The following STK38L variants were observed in gnomAD, a reference collection of about 807,000 sequenced individuals.
STK38L encodes the protein serine/threonine kinase 38 like, also known as serine/threonine-protein kinase 38-like.
Under a neutral mutation model 59.7 loss-of-function variants are expected in STK38L, and 28 were observed. The ratio of observed to expected loss-of-function variants is 0.47; its 90% CI spans 0.35 to 0.64. STK38L has a LOEUF of 0.64. Among genes scored for constraint, STK38L ranks in the 30% least tolerant of loss-of-function variants. STK38L has a pLI of 0.01. For synonymous variants in STK38L, 162 were observed against 176.8 expected (o/e 0.92, Z 0.66); for missense variants, 314 against 555.8 (o/e 0.56, Z 4.37).
chr12:27,292,137 G>A (rs1209359012), intron 1 of STK38L, among the ~76,000 whole-genome samples: 1 of 152,186 alleles, frequency 6.6e-6, no homozygotes, highest in African/African-American at 2.4e-5. Context: ...CTTGCAAATT[G>A]TATCCTGTTC....
At chr12:27,295,290 A>G (rs1943989637) in intron 1 of STK38L, among the ~76,000 whole-genome samples, 1 of 152,236 alleles carries the variant, frequency 6.6e-6, no homozygotes, top group African/African-American at 2.4e-5. Context: ...GTATTATCTC[A>G]GATGGCCTTA....
chr12:27,309,473 A>G (rs1944406895), intron 5 of STK38L, among the ~76,000 whole-genome samples: 2 of 152,216 alleles, frequency 1.3e-5, no homozygotes, highest in Non-Finnish European at 2.9e-5. Context: ...CTACAAGTCA[A>G]AAATGAAAGT....
chr12:27,320,885 C>T (rs1452358936), intron 12 of STK38L, among the ~76,000 whole-genome samples: 1 of 151,716 alleles, frequency 6.6e-6, no homozygotes, highest in African/African-American at 2.4e-5. Context: ...GGGTTCACGC[C>T]ATTCTCCTGG....
chr12:27,255,201 C>T (rs1297637799), intron 1 of STK38L, among the ~76,000 whole-genome samples: 1 of 152,176 alleles, frequency 6.6e-6, no homozygotes, highest in Non-Finnish European at 1.5e-5. Flanking sequence ...GGATGAATAG[C>T]TGGGAACATG....
intron 1 of STK38L, among the ~76,000 whole-genome samples, chr12:27,256,402 C>T (rs920080619): frequency 3.9e-5 from 6 of 152,174 alleles, no homozygotes; most frequent in Non-Finnish European, 7.3e-5. Context: ...CTTGTACCTT[C>T]GGTCTCACAC....
chr12:27,316,595 A>G (rs1122737), intron 9 of STK38L, among the ~76,000 whole-genome samples: 49,104 of 152,080 alleles, frequency 0.32, 9,289 homozygotes, highest in African/African-American at 0.53. Flanking sequence ...TGAGATGACA[A>G]AATCTGTGGT....
intron 1 of STK38L, among the ~76,000 whole-genome samples, chr12:27,247,228 G>A (rs1013331935): frequency 7.2e-5 from 11 of 152,058 alleles, no homozygotes; most frequent in Non-Finnish European, 1.2e-4. Context: ...TATTATTCCC[G>A]TTTTGCAGAT....
chr12:27,272,610 G>T (rs76594188), intron 1 of STK38L, among the ~76,000 whole-genome samples: 161 of 152,300 alleles, frequency 1.1e-3, no homozygotes, highest in African/African-American at 3.6e-3. Context: ...AATCTGCTTT[G>T]TGAGACTGGG....
intron 1 of STK38L, among the ~76,000 whole-genome samples, chr12:27,286,392 T>G (rs1046228718): frequency 6.6e-6 from 1 of 152,080 alleles, no homozygotes; most frequent in Admixed American, 6.6e-5. Flanking sequence ...CATCTGTAAT[T>G]TCACACTGTT....
chr12:27,262,445 G>A (rs1943220497), intron 1 of STK38L, among the ~76,000 whole-genome samples: 2 of 152,042 alleles, frequency 1.3e-5, no homozygotes, highest in South Asian at 2.1e-4. Flanking sequence ...ACTTTGCTAG[G>A]TATTAACGTT....
Position 27,325,717 on chromosome 12 carries a change from T to C in STK38L, c.*3262T>C, listed in dbSNP as rs1056572823. 1.3e-5 allele frequency: 2 copies of C among 152,204 alleles called. No homozygotes were observed. The highest frequency in any genetic ancestry group is 2.9e-5 in the Non-Finnish European group (2 of 68,020). 9.4% of individuals were successfully genotyped at this position (152,204 alleles called of 1,614,324 possible). ...ATAAATATGAGACACTTGGGACTACTAGAGATATTTTAGATTTTTATGAAA... is the reference window on the plus strand; with the variant it reads ...ATAAATATGAGACACTTGGGACTACCAGAGATATTTTAGATTTTTATGAAA... On this transcript the variant is annotated 3_prime_UTR_variant, in exon 14 of 14. Transcript: ENST00000389032.
At chr12:27,306,714 AACACACACACACACACAC>A (rs10553623) in intron 3 of STK38L, among the ~76,000 whole-genome samples, 16 of 139,084 alleles carry the variant, frequency 1.2e-4, no homozygotes, top group African/African-American at 3.5e-4. Flanking sequence ...GAATTTTATA[AACACACACACACACACAC>A]ACACACACAC....
chr12:27,297,651 T>C, intron 1 of STK38L, 59 bp from the exon 2 acceptor site: 1 of 1,529,592 alleles, frequency 6.5e-7, no homozygotes, highest in Non-Finnish European at 8.8e-7. Context: ...TCAGAGTTTA[T>C]TATAAAAGAT....
intron 1 of STK38L, chr12:27,245,549 A>C (rs1942831439): frequency 1.3e-5 from 2 of 152,116 alleles, no homozygotes; most frequent in Admixed American, 6.6e-5. Flanking sequence ...TCATATATGT[A>C]TATAAGGTAC....
At chr12:27,288,364 ATATTCTT>A (rs1312342975) in intron 1 of STK38L, among the ~76,000 whole-genome samples, 58 of 152,286 alleles carry the variant, frequency 3.8e-4, no homozygotes, top group African/African-American at 1.2e-3. Flanking sequence ...TGACGGACCC[ATATTCTT>A]TATAACAAAA....
chr12:27,318,119 G>C, intron 11 of STK38L, 100 bp downstream of exon 11: 1 of 1,368,504 alleles, frequency 7.3e-7, no homozygotes. Flanking sequence ...GGATACCACT[G>C]ATGTATACAG....
intron 3 of STK38L, among the ~76,000 whole-genome samples, chr12:27,304,793 G>A (rs1169358611): frequency 1.3e-5 from 2 of 151,882 alleles, no homozygotes; most frequent in Admixed American, 6.6e-5. Flanking sequence ...AGCAGGCAAC[G>A]GAAGTGAGAT....
At chr12:27,255,412 C>CAA (rs1943071401) in intron 1 of STK38L, among the ~76,000 whole-genome samples, 2 of 152,154 alleles carry the variant, frequency 1.3e-5, no homozygotes, top group Non-Finnish European at 2.9e-5. Flanking sequence ...ATTGGACTGA[C>CAA]AAAGCCAAAA....
intron 1 of STK38L, among the ~76,000 whole-genome samples, chr12:27,255,538 AGAG>A (rs761488770): frequency 2.6e-5 from 4 of 152,358 alleles, no homozygotes; most frequent in Middle Eastern, 3.4e-3. Flanking sequence ...AAGATGCTTT[AGAG>A]GTCATCTAGT....
Sources: gnomAD v4.1 joint callset for allele counts (sites outside exome capture counted in the v4.1 genomes callset) on GRCh38, gnomAD v4.1.1 for gene constraint, MANE v1.5 for transcripts, NCBI Gene and HGNC (gene_info 2026-07-23, HGNC 2026-07-21) for gene names.